The following ZFAT variants were observed in gnomAD, a reference collection of about 807,000 sequenced individuals.
The protein encoded by ZFAT is zinc finger protein ZFAT.
In ZFAT, 64 loss-of-function variants were observed where a neutral mutation model predicts 117.7. The observed-to-expected ratio is 0.54, with a 90% CI of 0.44 to 0.67. The LOEUF (loss-of-function observed/expected upper bound fraction) is 0.67, where lower values mean the gene tolerates loss of function less well. Among genes scored for constraint, ZFAT ranks in the 30% least tolerant of loss-of-function variants. ZFAT has a pLI of 0.00. For missense variants in ZFAT, 1,433 were observed against 1,584.5 expected (o/e 0.90, Z 1.62); for synonymous variants, 679 against 615.0 (o/e 1.10, Z -1.54).
the ZFAT span, among the ~76,000 whole-genome samples, chr8:134,806,061 C>T: frequency 6.6e-6 from 1 of 152,122 alleles, no homozygotes; most frequent in Non-Finnish European, 1.5e-5. Flanking sequence ...TTAAAGTCCA[C>T]AATTAAGTCA....
rs1303694953 is a variant in ZFAT, at chr8:134,677,131, T to TA, written c.20-19395_20-19394insT. ...AGGAGATAGAGATACGAAAAACCCT[T>TA]CAAAAAAATCAATGAATCCAGTAGC... is the stretch of plus-strand genomic sequence containing the variant. On this transcript the variant is annotated intron_variant, in intron 1 of 15. Coordinates refer to ENST00000377838, the MANE Select transcript of ZFAT (RefSeq NM_020863.4). Among the ~76,000 whole-genome samples, 4 of 137,576 alleles carry TA rather than the reference T, an allele frequency of 2.9e-5. No homozygotes were observed. In the East Asian group the frequency reaches 9.2e-4, roughly 32 times the overall value. 90.3% of individuals were successfully genotyped at this position (137,576 alleles called of 152,430 possible). A position where few individuals can be genotyped will look rare whatever the true frequency, so the allele number is the denominator to read the frequency against.
In ZFAT at chr8:134,670,780, C is replaced by CA. The variant is rs1214051010; in HGVS notation, c.20-13044dup. Among the ~76,000 whole-genome samples, 8 of 152,174 alleles carry CA rather than the reference C, an allele frequency of 5.3e-5. No homozygotes were observed. In the South Asian group the frequency reaches 8.3e-4, roughly 16 times the overall value. Reference sequence around the variant, plus strand: ...AGAAGAACTGAAGGAGATAGAAACACAAAAAAACCTTCAAAAACTCAATGA... The same window carrying CA: ...AGAAGAACTGAAGGAGATAGAAACACAAAAAAAACCTTCAAAAACTCAATGA... On this transcript the variant is annotated intron_variant, in intron 1 of 15. Transcript: ENST00000377838.
intron 15 of ZFAT, among the ~76,000 whole-genome samples, chr8:134,487,378 C>T (rs190842486): frequency 6.6e-6 from 1 of 152,268 alleles, no homozygotes; most frequent in East Asian, 1.9e-4. Context: ...CTGTAATTCT[C>T]ATGGGGCCCT....
intron 3 of ZFAT, among the ~76,000 whole-genome samples, chr8:134,612,463 T>C (rs2130980402): frequency 6.6e-6 from 1 of 152,184 alleles, no homozygotes; most frequent in African/African-American, 2.4e-5. Context: ...AATGGAGGAG[T>C]ATTCTTTCTT....
In ZFAT at chr8:134,487,765, GC is replaced by G. The variant is rs367843493; in HGVS notation, c.3493-9045del. On this transcript the variant is annotated intron_variant, in intron 15 of 15. Transcript: ENST00000377838. ...CTCTCCTCCAGGAAGCTCCGTCAGT[GC>G]CCCCTACAACGCTGTGCTGACTCCT... Among the ~76,000 whole-genome samples the G allele has an allele frequency of 2.5e-3, 379 of 152,300 alleles. 1 individual carries two copies. The highest frequency in any genetic ancestry group is 8.7e-3 in the African/African-American group (363 of 41,540).
chr8:134,777,223 A>C, the ZFAT span, among the ~76,000 whole-genome samples: 3 of 152,242 alleles, frequency 2.0e-5, no homozygotes, highest in Non-Finnish European at 4.4e-5. Context: ...ATAAACTAAC[A>C]TCAATCTGGA....
At position 134,705,861 on chromosome 8, in the gene ZFAT, G is replaced by A. The variant is rs113348588; in HGVS notation, c.19+6984C>T. Among the ~76,000 whole-genome samples the A allele has an allele frequency of 1.5e-3, 230 of 152,150 alleles. 1 individual carries two copies. The highest frequency in any genetic ancestry group is 5.4e-3 in the African/African-American group (222 of 41,492). ...CCCCAATTTATTAAAATAGCCCAAAGACTTGAATAGACACATCTCTAAAGA... is the reference window on the plus strand; with the variant it reads ...CCCCAATTTATTAAAATAGCCCAAAAACTTGAATAGACACATCTCTAAAGA... On this transcript the variant is annotated intron_variant, in intron 1 of 15. Transcript: ENST00000377838.
intron 2 of ZFAT, among the ~76,000 whole-genome samples, chr8:134,638,878 C>T (rs1316437552): frequency 6.6e-6 from 1 of 152,166 alleles, no homozygotes; most frequent in Non-Finnish European, 1.5e-5. Context: ...GCCTGGCTGA[C>T]ATCCCCAATG....
At chr8:134,643,946 C>T (rs1367760725) in intron 2 of ZFAT, among the ~76,000 whole-genome samples, 2 of 152,208 alleles carry the variant, frequency 1.3e-5, no homozygotes, top group Non-Finnish European at 2.9e-5. Flanking sequence ...GCTCAACATT[C>T]GTACATGCAC....
At chr8:134,569,493 A>T (rs1824720298) in intron 10 of ZFAT, among the ~76,000 whole-genome samples, 2 of 152,160 alleles carry the variant, frequency 1.3e-5, no homozygotes, top group Admixed American at 1.3e-4. Flanking sequence ...TCAGAAGGTG[A>T]CTACCCATCA....
Position 134,478,690 on chromosome 8 carries a change from G to T in ZFAT, c.3524C>A (p.Thr1175Lys), listed in dbSNP as rs181970358. 1.0e-4 allele frequency: 158 copies of T among 1,576,992 alleles called. 1 individual carries two copies. The highest frequency in any genetic ancestry group is 1.9e-4 in the South Asian group (16 of 85,690). The change falls in exon 16 of 16, where the codon ACG becomes AAG. Residue 1175 changes from threonine to lysine, a missense_variant. By Grantham distance (78) the Thr-to-Lys change is moderately conservative (BLOSUM62 -1). Coordinates refer to ENST00000377838, the MANE Select transcript of ZFAT (RefSeq NM_020863.4). This position sits in a 1 kb window ranked among gnomAD's most constrained non-coding sequence, Gnocchi z 5.2. The part of the protein sequence containing the change: ...VTEEEPSSNH[T>K]VMIQETVQQA... ...CTGGACCGTCTCCTGGATCATGACCGTGTGGTTGGAGCTGGGCTCCTCCTC... is the reference window on the plus strand; with the variant it reads ...CTGGACCGTCTCCTGGATCATGACCTTGTGGTTGGAGCTGGGCTCCTCCTC...
the ZFAT span, among the ~76,000 whole-genome samples, chr8:134,819,947 C>A: frequency 6.6e-6 from 1 of 152,052 alleles, no homozygotes; most frequent in Non-Finnish European, 1.5e-5. Flanking sequence ...GAGAAGCACA[C>A]ATAGACATGA....
chr8:134,717,729 G>A (rs182373867), upstream of ZFAT, among the ~76,000 whole-genome samples: 15 of 150,870 alleles, frequency 9.9e-5, no homozygotes, highest in Middle Eastern at 3.4e-3. Flanking sequence ...CTCGTGATCC[G>A]CCTCTGTCAC....
intron 10 of ZFAT, among the ~76,000 whole-genome samples, chr8:134,570,945 AAGAC>A (rs1175388507): frequency 6.6e-6 from 1 of 152,216 alleles, no homozygotes; most frequent in African/African-American, 2.4e-5. Flanking sequence ...GAGCACAGCG[AAGAC>A]AGACAGAGAC....
chr8:134,557,381 G>A (rs541436320), intron 11 of ZFAT, among the ~76,000 whole-genome samples: 1 of 152,298 alleles, frequency 6.6e-6, no homozygotes, highest in South Asian at 2.1e-4. Context: ...AGGTACTGTG[G>A]TATCCTAATG....
intron 11 of ZFAT, among the ~76,000 whole-genome samples, chr8:134,561,376 C>T (rs2130752575): frequency 6.6e-6 from 1 of 152,262 alleles, no homozygotes; most frequent in South Asian, 2.1e-4. Context: ...TCATCTAAGC[C>T]ACATTCTCCA....
At chr8:134,623,540 C>T (rs1405435063) in intron 3 of ZFAT, among the ~76,000 whole-genome samples, 1 of 152,184 alleles carries the variant, frequency 6.6e-6, no homozygotes, top group African/African-American at 2.4e-5. Flanking sequence ...AGGGATGCCA[C>T]CATTCACCCT....
chr8:134,608,692 AC>A, intron 5 of ZFAT, 36 bp downstream of exon 5: 1 of 1,597,634 alleles, frequency 6.3e-7, no homozygotes, highest in Non-Finnish European at 8.5e-7. Flanking sequence ...CTCACATGCA[AC>A]CTCTGGCTGA....
the ZFAT span, among the ~76,000 whole-genome samples, chr8:134,811,770 T>C: frequency 6.6e-6 from 1 of 152,252 alleles, no homozygotes; most frequent in Non-Finnish European, 1.5e-5. Flanking sequence ...GCATGGGCTT[T>C]ACAGTCTGAC....
Sources: gnomAD v4.1 joint callset for allele counts (sites outside exome capture counted in the v4.1 genomes callset) on GRCh38, gnomAD v4.1.1 for gene constraint, Gnocchi (gnomAD v3.1) non-coding constraint, MANE v1.5 for transcripts, NCBI Gene and HGNC (gene_info 2026-07-23, HGNC 2026-07-21) for gene names.